The following CSMD2 variants were observed in gnomAD, a reference collection of about 807,000 sequenced individuals.
CSMD2 encodes CUB and sushi domain-containing protein 2.
Under a neutral mutation model 398.5 loss-of-function variants are expected in CSMD2, and 130 were observed. The observed-to-expected ratio is 0.33, with a 90% CI of 0.28 to 0.38. CSMD2 has a LOEUF of 0.38. Ranked by LOEUF, CSMD2 falls within the 10% of genes least tolerant of loss-of-function variation. The pLI is 1.00. For synonymous variants in CSMD2, 1,828 were observed against 1,908.5 expected, an observed-to-expected ratio of 0.96 and a Z score of 1.10; for missense variants, 3,829 against 4,764.9, an observed-to-expected ratio of 0.80 and a Z score of 5.78.
At chr1:33,919,870 A>G (rs1643880868) in intron 4 of CSMD2, among the ~76,000 whole-genome samples, 1 of 152,220 alleles carries the variant, frequency 6.6e-6, no homozygotes, top group African/African-American at 2.4e-5. Flanking sequence ...AGCACCTACT[A>G]TGTGTCAGCC....
chr1:34,102,310 G>T (rs1388794834), intron 1 of CSMD2, among the ~76,000 whole-genome samples: 1 of 152,178 alleles, frequency 6.6e-6, no homozygotes, highest in African/African-American at 2.4e-5. Flanking sequence ...GATTACAGGC[G>T]TGAGCCACCG....
intron 41 of CSMD2, chr1:33,605,827 A>C (rs777297783): frequency 1.9e-5 from 29 of 1,558,280 alleles, no homozygotes; most frequent in Non-Finnish European, 2.4e-5. Flanking sequence ...GCCAGGCACC[A>C]GCCTAACTCC....
chr1:33,907,360 C>T (rs1047722619), intron 5 of CSMD2, among the ~76,000 whole-genome samples: 14 of 151,862 alleles, frequency 9.2e-5, no homozygotes, highest in African/African-American at 3.4e-4. Flanking sequence ...ATCTCCTGAC[C>T]TCGTGATCCG....
intron 3 of CSMD2, among the ~76,000 whole-genome samples, chr1:33,991,879 A>G (rs544732928): frequency 6.6e-6 from 1 of 152,314 alleles, no homozygotes; most frequent in South Asian, 2.1e-4. Context: ...CAATAAAAAA[A>G]AAGCAAATAC....
At chr1:33,914,392 G>A (rs1487896620) in intron 5 of CSMD2, among the ~76,000 whole-genome samples, 1 of 145,756 alleles carries the variant, frequency 6.9e-6, no homozygotes, top group Non-Finnish European at 1.5e-5. Flanking sequence ...GGCAGTGTGT[G>A]TGTGTGTGTG....
chr1:33,607,497 G>A (rs1054527791), intron 41 of CSMD2, among the ~76,000 whole-genome samples: 24 of 152,190 alleles, frequency 1.6e-4, no homozygotes, highest in Non-Finnish European at 1.5e-5. Context: ...ACGAGGTGCC[G>A]CTCCGTACGG....
At chr1:34,024,162 T>C (rs776565613) in intron 3 of CSMD2, among the ~76,000 whole-genome samples, 2 of 152,222 alleles carry the variant, frequency 1.3e-5, no homozygotes, top group Admixed American at 6.5e-5. Context: ...TCAGAGCTCC[T>C]TGAATGTAGG....
intron 13 of CSMD2, among the ~76,000 whole-genome samples, chr1:33,753,958 GC>G (rs1648629154): frequency 6.6e-6 from 1 of 152,150 alleles, no homozygotes; most frequent in Non-Finnish European, 1.5e-5. Context: ...TAAATAATTT[GC>G]TTTTGATCTC....
At chr1:33,576,461 G>A (rs747657519) in intron 49 of CSMD2, among the ~76,000 whole-genome samples, 1 of 152,052 alleles carries the variant, frequency 6.6e-6, no homozygotes, top group Admixed American at 6.6e-5. Flanking sequence ...CATGGTGGCG[G>A]GTGACTGTAA....
At chr1:34,110,786 A>G (rs1055702761) in intron 1 of CSMD2, among the ~76,000 whole-genome samples, 1 of 152,202 alleles carries the variant, frequency 6.6e-6, no homozygotes, top group African/African-American at 2.4e-5. Flanking sequence ...AAAAATAACT[A>G]TTAGGTACTA....
chr1:33,837,040 A>C (rs1307204548), intron 6 of CSMD2, among the ~76,000 whole-genome samples: 1 of 152,176 alleles, frequency 6.6e-6, no homozygotes, highest in East Asian at 1.9e-4. Flanking sequence ...CATCACTTCC[A>C]GATGCTGGGG....
At chr1:33,780,119 A>G (rs1291157476) in intron 12 of CSMD2, among the ~76,000 whole-genome samples, 1 of 152,170 alleles carries the variant, frequency 6.6e-6, no homozygotes, top group Non-Finnish European at 1.5e-5. Flanking sequence ...GTGGGTTGTC[A>G]GCTCCCTCAG....
intron 5 of CSMD2, chr1:33,862,841 T>C (rs1488965417): frequency 1.3e-5 from 2 of 152,256 alleles, no homozygotes; most frequent in Non-Finnish European, 2.9e-5. Flanking sequence ...GAGACTCTTA[T>C]TAGTTTCCAT....
intron 3 of CSMD2, among the ~76,000 whole-genome samples, chr1:33,968,482 ACT>A (rs1232053178): frequency 6.6e-6 from 1 of 152,088 alleles, no homozygotes; most frequent in Non-Finnish European, 1.5e-5. Flanking sequence ...ATTGTGTAAG[ACT>A]CTGTCTTAGC....
At chr1:33,714,851 C>T in intron 20 of CSMD2, 76 bp from the exon 21 acceptor site, 1 of 1,436,462 alleles carries the variant, frequency 7.0e-7, no homozygotes, top group Non-Finnish European at 9.7e-7. Flanking sequence ...AACGCACAGG[C>T]AAAACACCAG....
chr1:33,963,734 T>C (rs1459504173), intron 3 of CSMD2, among the ~76,000 whole-genome samples: 2 of 152,254 alleles, frequency 1.3e-5, no homozygotes, highest in Non-Finnish European at 1.5e-5. Context: ...GTTGCTTGTA[T>C]CAGTTCCTTC....
At chr1:33,922,935 A>G (rs1643995609) in intron 4 of CSMD2, among the ~76,000 whole-genome samples, 1 of 152,130 alleles carries the variant, frequency 6.6e-6, no homozygotes, top group Non-Finnish European at 1.5e-5. Flanking sequence ...TTTATTTTTA[A>G]TTGACAATAA....
At chr1:34,022,361 C>T (rs1649016564) in intron 3 of CSMD2, among the ~76,000 whole-genome samples, 1 of 152,208 alleles carries the variant, frequency 6.6e-6, no homozygotes, top group African/African-American at 2.4e-5. Context: ...GGTTAAGTGA[C>T]TTGCTCAAAG....
intron 29 of CSMD2, among the ~76,000 whole-genome samples, chr1:33,640,703 T>G (rs944309550): frequency 6.6e-6 from 1 of 152,222 alleles, no homozygotes; most frequent in African/African-American, 2.4e-5. Flanking sequence ...CACGGGATGA[T>G]GGTATTTGGG....
Sources: allele counts gnomAD v4.1 joint callset (sites outside exome capture counted in the v4.1 genomes callset), GRCh38; gene constraint gnomAD v4.1.1; transcripts MANE v1.5; gene names NCBI Gene and HGNC (gene_info 2026-07-23, HGNC 2026-07-21).